The following CCDC3 variants were observed in gnomAD, a reference collection of about 807,000 sequenced individuals.
CCDC3 encodes coiled-coil domain-containing protein 3.
CCDC3 carries 24 observed loss-of-function variants against 21.4 expected under a neutral mutation model. The ratio of observed to expected loss-of-function variants is 1.12; its 90% CI spans 0.81 to 1.58. CCDC3 has a LOEUF of 1.58. CCDC3 is among the 40% of genes most tolerant of loss of function. The probability of loss-of-function intolerance (pLI) is 0.00; values close to 1 mark genes in which losing one functional copy is unlikely to be tolerated. For synonymous variants in CCDC3, 186 were observed against 166.0 expected (o/e 1.12, Z -0.93); for missense variants, 425 against 360.9 (o/e 1.18, Z -1.44).
chr10:12,914,469 A>G (rs1182896940), intron 2 of CCDC3, among the ~76,000 whole-genome samples: 1 of 152,054 alleles, frequency 6.6e-6, no homozygotes, highest in Non-Finnish European at 1.5e-5. Context: ...CTTTTGAGAC[A>G]GAGTCTTGCT....
At chr10:13,046,070 G>A (rs1836522509) in intron 5 of CCDC3, among the ~76,000 whole-genome samples, 1 of 151,772 alleles carries the variant, frequency 6.6e-6, no homozygotes, top group Non-Finnish European at 1.5e-5. Context: ...CAGCCTGGGT[G>A]ACAGAGTGAG....
intron 4 of CCDC3, among the ~76,000 whole-genome samples, chr10:13,068,092 A>G (rs1446114369): frequency 4.6e-5 from 7 of 152,162 alleles, no homozygotes; most frequent in African/African-American, 1.7e-4. Context: ...AGGTGCCACT[A>G]ACCCCGTTTT....
At chr10:12,932,666 T>C (rs1203888035) in intron 2 of CCDC3, among the ~76,000 whole-genome samples, 3 of 152,232 alleles carry the variant, frequency 2.0e-5, no homozygotes, top group Non-Finnish European at 2.9e-5. Flanking sequence ...TTTCTTGTCT[T>C]GTATTAGCTA....
At chr10:13,013,387 C>A (rs1363450885) in intron 5 of CCDC3, among the ~76,000 whole-genome samples, 4 of 152,122 alleles carry the variant, frequency 2.6e-5, no homozygotes, top group Non-Finnish European at 5.9e-5. Context: ...CACACACAAA[C>A]CCTTAAAGGG....
At chr10:12,941,030 C>T (rs1439277003) in intron 2 of CCDC3, among the ~76,000 whole-genome samples, 1 of 152,136 alleles carries the variant, frequency 6.6e-6, no homozygotes, top group African/African-American at 2.4e-5. Context: ...AGGCTGAGAC[C>T]TACTGGGCTG....
At chr10:12,969,053 T>C (rs1355138385) in intron 2 of CCDC3, among the ~76,000 whole-genome samples, 1 of 152,104 alleles carries the variant, frequency 6.6e-6, no homozygotes, top group Non-Finnish European at 1.5e-5. Context: ...AAAGACAAAC[T>C]ACACACCTGA....
chr10:12,971,123 C>CCACTGTCCA (rs1202398834), intron 2 of CCDC3, among the ~76,000 whole-genome samples: 3 of 152,180 alleles, frequency 2.0e-5, no homozygotes, highest in Non-Finnish European at 1.5e-5. Flanking sequence ...CCCAAGCTGT[C>CCACTGTCCA]CACTGTCCAC....
intron 2 of CCDC3, among the ~76,000 whole-genome samples, chr10:12,973,935 T>G (rs183222940): frequency 4.5e-4 from 68 of 152,304 alleles, no homozygotes; most frequent in Admixed American, 4.2e-3. Context: ...TCTCCGACTT[T>G]GACTGGGTCA....
chr10:12,960,664 A>G (rs576196982), intron 2 of CCDC3, among the ~76,000 whole-genome samples: 1 of 152,312 alleles, frequency 6.6e-6, no homozygotes, highest in East Asian at 1.9e-4. Flanking sequence ...TGCAGTCGGG[A>G]GAGGCGAGAA....
chr10:12,986,600 C>T (rs914738439), intron 2 of CCDC3, among the ~76,000 whole-genome samples: 2 of 152,052 alleles, frequency 1.3e-5, no homozygotes, highest in Admixed American at 6.6e-5. Context: ...TGGTGAAACC[C>T]CATCTCCACT....
chr10:12,961,334 CA>C (rs1835175845), intron 2 of CCDC3, among the ~76,000 whole-genome samples: 1 of 152,114 alleles, frequency 6.6e-6, no homozygotes. Context: ...CCACTCTTGC[CA>C]AAAATATGTC....
At chr10:12,912,340 T>G (rs1271426493) in intron 2 of CCDC3, among the ~76,000 whole-genome samples, 1 of 152,214 alleles carries the variant, frequency 6.6e-6, no homozygotes, top group Admixed American at 6.5e-5. Context: ...AGATGATATC[T>G]CATATTCATT....
chr10:12,968,179 AAG>A (rs796713267), intron 2 of CCDC3, among the ~76,000 whole-genome samples: 4,227 of 148,576 alleles, frequency 0.028, 220 homozygotes, highest in African/African-American at 0.1. Flanking sequence ...AGAAAAAAAA[AAG>A]AAAATACAAA....
intron 2 of CCDC3, among the ~76,000 whole-genome samples, chr10:12,966,535 C>G (rs1835265429): frequency 6.6e-6 from 1 of 152,166 alleles, no homozygotes; most frequent in South Asian, 2.1e-4. Context: ...TGGGAGCCAG[C>G]TGGCCACAGG....
At chr10:13,032,794 G>C (rs1300093554) in intron 5 of CCDC3, among the ~76,000 whole-genome samples, 2 of 152,108 alleles carry the variant, frequency 1.3e-5, no homozygotes, top group Admixed American at 6.5e-5. Context: ...GGGATGTGAA[G>C]GACCTCTTCA....
At chr10:13,046,720 A>AGAAG (rs1428719220) in intron 5 of CCDC3, among the ~76,000 whole-genome samples, 1 of 144,988 alleles carries the variant, frequency 6.9e-6, no homozygotes, top group Non-Finnish European at 1.5e-5. Flanking sequence ...AAAAAAAAAA[A>AGAAG]AAGAAGAAGA....
chr10:12,910,158 C>A (rs1414743376), intron 2 of CCDC3, among the ~76,000 whole-genome samples: 1 of 152,224 alleles, frequency 6.6e-6, no homozygotes, highest in Non-Finnish European at 1.5e-5. Flanking sequence ...TTTTCTGCTA[C>A]TGAACCAAGA....
chr10:13,032,276 G>A (rs987298206), intron 5 of CCDC3, among the ~76,000 whole-genome samples: 53 of 152,108 alleles, frequency 3.5e-4, no homozygotes, highest in African/African-American at 1.2e-3. Flanking sequence ...AAAGGCCTTC[G>A]ACAAAATTCA....
At chr10:13,076,377 G>C (rs1053709245) in intron 3 of CCDC3, among the ~76,000 whole-genome samples, 12 of 152,204 alleles carry the variant, frequency 7.9e-5, no homozygotes, top group African/African-American at 2.4e-4. Context: ...CCGAAAGTTA[G>C]ATATTCCTAG....
Sources: allele counts gnomAD v4.1 joint callset (sites outside exome capture counted in the v4.1 genomes callset), GRCh38; gene constraint gnomAD v4.1.1; transcripts MANE v1.5; gene names NCBI Gene and HGNC (gene_info 2026-07-23, HGNC 2026-07-21).